ITPR2: variants seen among roughly 807,000 people sequenced by gnomAD.
ITPR2 encodes inositol 1,4,5-trisphosphate receptor type 2.
ITPR2 carries 207 observed loss-of-function variants against 317.1 expected under a neutral mutation model. The ratio of observed to expected loss-of-function variants is 0.65; its 90% CI spans 0.58 to 0.73. The LOEUF is 0.73. Ranked by LOEUF, ITPR2 falls within the 30% of genes least tolerant of loss-of-function variation. ITPR2 has a pLI of 0.00. For synonymous variants in ITPR2, 1,156 were observed against 1,149.1 expected (o/e 1.01, Z -0.12); for missense variants, 2,613 against 3,284.0 (o/e 0.80, Z 4.99).
intron 34 of ITPR2, among the ~76,000 whole-genome samples, chr12:26,567,959 TA>T (rs1267934408): frequency 2.9e-4 from 7 of 24,434 alleles, no homozygotes; most frequent in East Asian, 1.4e-3. Flanking sequence ...ATTATATATA[TA>T]TATATATATT....
chr12:26,591,280 AAT>A (rs1276784647), intron 32 of ITPR2, among the ~76,000 whole-genome samples: 1 of 152,196 alleles, frequency 6.6e-6, no homozygotes, highest in Non-Finnish European at 1.5e-5. Flanking sequence ...AAAAGATCTG[AAT>A]AGATATTTCT....
intron 32 of ITPR2, among the ~76,000 whole-genome samples, chr12:26,587,902 T>C (rs1337421250): frequency 6.6e-6 from 1 of 152,176 alleles, no homozygotes; most frequent in Non-Finnish European, 1.5e-5. Context: ...GTAGTTGTGA[T>C]GGGAGTGTTC....
chr12:26,648,403 G>A (rs1480049433), intron 21 of ITPR2, among the ~76,000 whole-genome samples: 1 of 151,988 alleles, frequency 6.6e-6, no homozygotes, highest in African/African-American at 2.4e-5. Context: ...TAAAAAAGAT[G>A]TAGTTCTAGT....
chr12:26,722,647 C>T, intron 4 of ITPR2, 92 bp from the exon 5 acceptor site: 1 of 869,264 alleles, frequency 1.2e-6, no homozygotes, highest in Non-Finnish European at 1.7e-6. Flanking sequence ...ATATATTCAT[C>T]TAACATGGCT....
rs78919001 is a variant in ITPR2 at position 26,681,990 on chromosome 12, G to T, written c.1293C>A (p.Ile431=). The change falls in exon 13 of 57, where the codon ATC becomes ATA. Residue 431 remains isoleucine, a synonymous_variant. Coordinates refer to ENST00000381340, the MANE Select transcript of ITPR2 (RefSeq NM_002223.4). ...QTKEDKEAFA[I]VSVPLSEVRD... is the part of the protein sequence containing the mutation. ...GAACTTCAGACAGTGGAACAGACAC[G>T]ATTGCGAACGCTTCTTTATCTTCTT... The T allele has an allele frequency of 1.9e-6, 3 of 1,613,468 alleles. No individual in the cohort carries two copies. The highest frequency in any genetic ancestry group is 1.3e-5 in the African/African-American group (1 of 74,894).
At chr12:26,583,816 T>C (rs916779835) in intron 32 of ITPR2, among the ~76,000 whole-genome samples, 12 of 152,190 alleles carry the variant, frequency 7.9e-5, no homozygotes, top group Non-Finnish European at 8.8e-5. Context: ...CTCCACAGAA[T>C]GAAATGATTC....
chr12:26,692,347 A>C (rs926442548), intron 10 of ITPR2, among the ~76,000 whole-genome samples: 1 of 152,192 alleles, frequency 6.6e-6, no homozygotes, highest in African/African-American at 2.4e-5. Context: ...GATGCTGCTA[A>C]ACATCCTACA....
chr12:26,721,328 C>A (rs780181330), intron 5 of ITPR2: 3 of 613,820 alleles, frequency 4.9e-6, no homozygotes, highest in Non-Finnish European at 6.1e-6. Context: ...CAAATTAAAT[C>A]CAGAAGCTTG....
At position 26,510,743 on chromosome 12, in the gene ITPR2, G is replaced by A. The variant is rs1448355218; in HGVS notation, c.5074-15483C>T. ...TTGAATTAAACTAATATTTGATTAC[G>A]TATCAGGGCAGTTTCACAAATGTCA... On this transcript the variant is annotated intron_variant, in intron 37 of 56. Coordinates refer to ENST00000381340, the MANE Select transcript of ITPR2 (RefSeq NM_002223.4). Among the ~76,000 whole-genome samples, 7 of 152,330 alleles carry A rather than the reference G, an allele frequency of 4.6e-5. No individual in the cohort carries two copies. The South Asian group carries it at 8.3e-4, about 18-fold the overall frequency.
chr12:26,429,122 T>A (rs1312466047), intron 48 of ITPR2, among the ~76,000 whole-genome samples: 2 of 152,230 alleles, frequency 1.3e-5, no homozygotes, highest in African/African-American at 4.8e-5. Context: ...TCTGACTCCT[T>A]TAATGAATTC....
At chr12:26,351,703 G>A (rs2171521) in intron 55 of ITPR2, among the ~76,000 whole-genome samples, 150,891 of 152,282 alleles carry the variant, frequency 0.99, 74,776 homozygotes, top group Middle Eastern at 1. Flanking sequence ...GGTCCTACCA[G>A]TGGACTTCCT....
intron 32 of ITPR2, among the ~76,000 whole-genome samples, chr12:26,588,697 T>C (rs1945602733): frequency 6.6e-6 from 1 of 152,340 alleles, no homozygotes; most frequent in South Asian, 2.1e-4. Context: ...AACAAAGTTG[T>C]AGAATAATAA....
Position 26,655,801 on chromosome 12 carries a change from G to C in ITPR2, c.2496C>G (p.Ala832=). The C allele has an allele frequency of 6.2e-7, 1 of 1,612,076 alleles. No individual in the cohort carries two copies. The highest frequency in any genetic ancestry group is 1.1e-5 in the South Asian group (1 of 91,040). ...SSRNDMKRKF[A]LTMEFVEEYL... ...ATTCTTCAACAAATTCCATTGTCAGGGCAAATTTCCTCTTCATATCATTTC... is the reference window on the plus strand; with the variant it reads ...ATTCTTCAACAAATTCCATTGTCAGCGCAAATTTCCTCTTCATATCATTTC... The change falls in exon 20 of 57, where the codon GCC becomes GCG. Residue 832 remains alanine, a synonymous_variant. Transcript: ENST00000381340.
At chr12:26,611,540 G>A (rs944722132) in intron 26 of ITPR2, among the ~76,000 whole-genome samples, 1 of 152,100 alleles carries the variant, frequency 6.6e-6, no homozygotes, top group Non-Finnish European at 1.5e-5. Flanking sequence ...CTCCAGCTGG[G>A]TGACAGAGCG....
At chr12:26,794,282 A>G (rs1300816863) in intron 1 of ITPR2, among the ~76,000 whole-genome samples, 1 of 152,220 alleles carries the variant, frequency 6.6e-6, no homozygotes, top group Non-Finnish European at 1.5e-5. Flanking sequence ...ATCTACATGA[A>G]AAAGTTACGT....
At chr12:26,828,454 A>G (rs188966928) in intron 1 of ITPR2, among the ~76,000 whole-genome samples, 10 of 152,338 alleles carry the variant, frequency 6.6e-5, no homozygotes, top group Admixed American at 2.0e-4. Flanking sequence ...TCTGAGCCCA[A>G]TGTGATTCCA....
rs1950415916 is a variant in ITPR2 at position 26,795,379 on chromosome 12, C to A, written c.93-5152G>T. ...AGTAGAAAAAATTATTTAAGCCAGA[C>A]TAAACAAAAAGGACAAAACATAAAA... On this transcript the variant is annotated intron_variant, in intron 1 of 56. Coordinates refer to ENST00000381340, the MANE Select transcript of ITPR2 (RefSeq NM_002223.4). Among the ~76,000 whole-genome samples, 3 of 151,986 alleles carry A rather than the reference C, an allele frequency of 2.0e-5. No individual in the cohort carries two copies. The South Asian group carries it at 6.2e-4, about 32-fold the overall frequency.
At chr12:26,456,935 G>A (rs1205959079) in intron 45 of ITPR2, among the ~76,000 whole-genome samples, 2 of 152,106 alleles carry the variant, frequency 1.3e-5, no homozygotes, top group Non-Finnish European at 2.9e-5. Flanking sequence ...GCCTCCCAAA[G>A]TGCTGGGATT....
chr12:26,435,227 C>G (rs1460883462), intron 48 of ITPR2, among the ~76,000 whole-genome samples: 1 of 152,154 alleles, frequency 6.6e-6, no homozygotes, highest in Non-Finnish European at 1.5e-5. Flanking sequence ...CTGAAATAGG[C>G]TGAAATACCT....
Sources: gnomAD v4.1 joint callset for allele counts (sites outside exome capture counted in the v4.1 genomes callset) on GRCh38, gnomAD v4.1.1 for gene constraint, MANE v1.5 for transcripts, NCBI Gene and HGNC (gene_info 2026-07-23, HGNC 2026-07-21) for gene names.